RFX3: variants seen among roughly 807,000 people sequenced by gnomAD.
RFX3 encodes transcription factor RFX3.
A neutral mutation model predicts 98.6 loss-of-function variants in RFX3; 14 were observed. The ratio of observed to expected loss-of-function variants is 0.14; its 90% CI spans 0.09 to 0.22. The LOEUF (loss-of-function observed/expected upper bound fraction) is 0.22, where lower values mean the gene tolerates loss of function less well. Ranked by LOEUF, RFX3 falls within the 10% of genes least tolerant of loss-of-function variation. The pLI, the probability that RFX3 is intolerant of heterozygous loss-of-function variation, is 1.00. For synonymous variants in RFX3, 383 were observed against 328.4 expected (o/e 1.17, Z -1.80); for missense variants, 639 against 926.9 (o/e 0.69, Z 4.03).
chr9:3,483,856 G>C (rs1473932148), intron 1 of RFX3, among the ~76,000 whole-genome samples: 1 of 152,054 alleles, frequency 6.6e-6, no homozygotes, highest in African/African-American at 2.4e-5. Flanking sequence ...TTATAAACTT[G>C]GGAATTTACC....
chr9:3,523,836 A>G (rs1486345980), intron 1 of RFX3, among the ~76,000 whole-genome samples: 2 of 152,220 alleles, frequency 1.3e-5, no homozygotes, highest in Non-Finnish European at 2.9e-5. Context: ...AGGAATAATT[A>G]TAAACAAATC....
intron 4 of RFX3, among the ~76,000 whole-genome samples, chr9:3,325,260 G>A (rs1438658989): frequency 6.6e-6 from 1 of 152,032 alleles, no homozygotes; most frequent in Non-Finnish European, 1.5e-5. Context: ...TCATAAACAT[G>A]CCAAACCAAG....
intron 2 of RFX3, among the ~76,000 whole-genome samples, chr9:3,357,469 A>T (rs558264249): frequency 2.2e-4 from 34 of 152,160 alleles, no homozygotes; most frequent in Admixed American, 1.1e-3. Context: ...ATTAGAACAT[A>T]TTTTGAATTT....
At chr9:3,237,002 G>C (rs1167806779) in intron 15 of RFX3, among the ~76,000 whole-genome samples, 1 of 152,144 alleles carries the variant, frequency 6.6e-6, no homozygotes, top group Non-Finnish European at 1.5e-5. Flanking sequence ...CTATCTTGTG[G>C]CTGGAATAAG....
intron 1 of RFX3, among the ~76,000 whole-genome samples, chr9:3,438,948 A>G (rs1845392727): frequency 6.6e-6 from 1 of 152,000 alleles, no homozygotes; most frequent in Non-Finnish European, 1.5e-5. Context: ...CTGAAATTTA[A>G]AATGATTCAA....
intron 12 of RFX3, among the ~76,000 whole-genome samples, chr9:3,263,785 C>T (rs1245779718): frequency 6.6e-6 from 1 of 152,172 alleles, no homozygotes. Flanking sequence ...CCACATTAAC[C>T]TCCCCTCTTG....
chr9:3,237,896 C>T (rs1307959125), intron 15 of RFX3, among the ~76,000 whole-genome samples: 2 of 151,820 alleles, frequency 1.3e-5, no homozygotes, highest in Non-Finnish European at 2.9e-5. Context: ...ACGCCTGAGC[C>T]CATGAGGTCA....
At chr9:3,414,709 AGTATATAT>A (rs1488221301) in intron 1 of RFX3, among the ~76,000 whole-genome samples, 3 of 125,288 alleles carry the variant, frequency 2.4e-5, no homozygotes, top group African/African-American at 3.5e-5. Flanking sequence ...AGTATATATG[AGTATATAT>A]GTATATATGA....
intron 1 of RFX3, among the ~76,000 whole-genome samples, chr9:3,460,665 G>C (rs1326368528): frequency 6.6e-6 from 1 of 151,816 alleles, no homozygotes; most frequent in African/African-American, 2.4e-5. Context: ...GGATTTCATA[G>C]ACTCTCAGAG....
At position 3,472,230 on chromosome 9, in the gene RFX3, G is replaced by A. The variant is rs917028020; in HGVS notation, c.-9+53517C>T. 2.1e-4 allele frequency among the ~76,000 whole-genome samples: 32 copies of A among 152,170 alleles called. 1 individual carries two copies. Among genetic ancestry groups the A allele is most frequent in the Admixed American group, 1.9e-3 (29 of 15,286 alleles). On this transcript the variant is annotated intron_variant, in intron 1 of 16. Transcript: ENST00000617270. ...AGAAGGCCAAGAATATTAAAGCACCGGATATTAAGGTGTAAAGCAGTATTT... is the reference window on the plus strand; with the variant it reads ...AGAAGGCCAAGAATATTAAAGCACCAGATATTAAGGTGTAAAGCAGTATTT...
intron 1 of RFX3, among the ~76,000 whole-genome samples, chr9:3,397,852 T>G (rs1396376159): frequency 6.6e-6 from 1 of 152,172 alleles, no homozygotes; most frequent in Non-Finnish European, 1.5e-5. Context: ...TAAAAATGAA[T>G]CCATGTAACA....
intron 1 of RFX3, among the ~76,000 whole-genome samples, chr9:3,446,446 G>A (rs963885813): frequency 5.3e-5 from 8 of 151,994 alleles, no homozygotes; most frequent in African/African-American, 1.7e-4. Flanking sequence ...TGGAAACCAG[G>A]AGATCTGTGA....
At position 3,230,375 on chromosome 9, in the gene RFX3, G is replaced by C. The variant is rs146692785; in HGVS notation, c.1969-1486C>G. Among the ~76,000 whole-genome samples the C allele has an allele frequency of 8.9e-3, 1,349 of 152,218 alleles. 14 individuals carry two copies. Among genetic ancestry groups the C allele is most frequent in the African/African-American group, 0.031 (1,283 of 41,544 alleles). On this transcript the variant is annotated intron_variant, in intron 15 of 16. Transcript: ENST00000617270. The stretch of plus-strand genomic sequence containing the variant: ...GAGCTATTTTTTAGAGTTATTAAAA[G>C]TAATGGAAAAAACCACTATTACTTT...
chr9:3,238,524 C>G (rs1819485194), intron 15 of RFX3, among the ~76,000 whole-genome samples: 1 of 152,176 alleles, frequency 6.6e-6, no homozygotes, highest in Admixed American at 6.5e-5. Context: ...GTGTTTCTCT[C>G]TGTTCTTCAA....
rs556967707 is a variant in RFX3 at position 3,385,753 on chromosome 9, C to A, written c.117+9719G>T. On this transcript the variant is annotated intron_variant, in intron 2 of 16. Transcript: ENST00000617270. ...AACTCCTTGCAATTCAACTCTGGGA[C>A]GTCCTTGGGAATAGTTGCACTAAAG... is the stretch of plus-strand genomic sequence containing the variant. Among the ~76,000 whole-genome samples, 3 of 150,648 alleles carry A rather than the reference C, an allele frequency of 2.0e-5. No individual in the cohort carries two copies. The South Asian group carries it at 6.3e-4, about 32-fold the overall frequency.
chr9:3,352,441 A>C (rs1835259044), intron 2 of RFX3, among the ~76,000 whole-genome samples: 1 of 151,998 alleles, frequency 6.6e-6, no homozygotes, highest in Admixed American at 6.6e-5. Context: ...AGATTTTTTT[A>C]AGTGAAAATA....
At chr9:3,418,251 G>C (rs7021039) in intron 1 of RFX3, among the ~76,000 whole-genome samples, 48,048 of 152,196 alleles carry the variant, frequency 0.32, 12,066 homozygotes, top group African/African-American at 0.7. Flanking sequence ...TACCGCCTTA[G>C]AGTGATTATA....
rs1827425072 is a variant in RFX3 at position 3,292,015 on chromosome 9, C to A, written c.731+1062G>T. Among the ~76,000 whole-genome samples, 2 of 122,900 alleles carry A rather than the reference C, an allele frequency of 1.6e-5. 1 individual carries two copies. The highest frequency in any genetic ancestry group is 5.5e-4 in the South Asian group (2 of 3,650). 80.6% of individuals were successfully genotyped at this position (122,900 alleles called of 152,430 possible). A position where few individuals can be genotyped will look rare whatever the true frequency, so the allele number is the denominator to read the frequency against. On this transcript the variant is annotated intron_variant, in intron 6 of 16. Coordinates refer to ENST00000617270, the MANE Select transcript of RFX3 (RefSeq NM_001282116.2). ...GAGGTTGCAGTGAGCTGAGATCGTG[C>A]CACTGCACTCCAGCCTGGCAACAGA...
intron 2 of RFX3, among the ~76,000 whole-genome samples, chr9:3,377,656 T>C (rs1307333828): frequency 6.6e-6 from 1 of 152,150 alleles, no homozygotes; most frequent in East Asian, 1.9e-4. Context: ...GTGGAAAATA[T>C]AAAGCGATCT....
Sources: gnomAD v4.1 joint callset for allele counts (sites outside exome capture counted in the v4.1 genomes callset) on GRCh38, gnomAD v4.1.1 for gene constraint, MANE v1.5 for transcripts, NCBI Gene and HGNC (gene_info 2026-07-23, HGNC 2026-07-21) for gene names.